RBBP6: variants seen among roughly 807,000 people sequenced by gnomAD.
The protein encoded by RBBP6 is RB binding protein 6, ubiquitin ligase.
RBBP6 carries 25 observed loss-of-function variants against 167.7 expected under a neutral mutation model. That is an observed-to-expected ratio of 0.15 (90% CI 0.11 to 0.21). RBBP6 has a LOEUF of 0.21. Ranked by LOEUF, RBBP6 falls within the 10% of genes least tolerant of loss-of-function variation. The pLI is 1.00. For missense variants in RBBP6, 1,868 were observed against 2,134.2 expected (o/e 0.88, Z 2.46); for synonymous variants, 789 against 735.8 (o/e 1.07, Z -1.17).
At chr16:24,558,226 A>G (rs1194021171) in intron 7 of RBBP6, among the ~76,000 whole-genome samples, 1 of 152,216 alleles carries the variant, frequency 6.6e-6, no homozygotes, top group Non-Finnish European at 1.5e-5. Flanking sequence ...ATGCTGAAAT[A>G]CAAATGCCCA....
chr16:24,556,205 C>A, intron 6 of RBBP6, 103 bp from the exon 7 acceptor site: 1 of 913,826 alleles, frequency 1.1e-6, no homozygotes, highest in Non-Finnish European at 1.7e-6. Flanking sequence ...ATATGTAAAG[C>A]ACTACAAGTA....
In RBBP6 at chr16:24,540,321, C is replaced by T. The variant is rs1898451465; in HGVS notation, c.-306C>T. The T allele has an allele frequency of 7.3e-6, 2 of 273,632 alleles. No homozygotes were observed. The highest frequency in any genetic ancestry group is 4.9e-5 in the Admixed American group (1 of 20,350). The allele number at this position is 273,632 out of a possible 1,614,324, so 17.0% of individuals were successfully genotyped here. A position where few individuals can be genotyped will look rare whatever the true frequency, so the allele number is the denominator to read the frequency against. On this transcript the variant is annotated 5_prime_UTR_variant, in exon 1 of 18. Coordinates refer to ENST00000319715, the MANE Select transcript of RBBP6 (RefSeq NM_006910.5). ...GCCAATCCCCCCGTCTCTGCCGGCC[C>T]CTTAGCATGAGCGAGGGGGACCCAG... is the stretch of plus-strand genomic sequence containing the variant.
rs760316712 is a variant in RBBP6 at position 24,569,249 on chromosome 16, C to T, written c.2559C>T (p.Pro853=). 1 of 1,612,970 alleles carries T rather than the reference C, an allele frequency of 6.2e-7. No individual in the cohort carries two copies. Residue 853 remains proline, a synonymous_variant, in exon 17 of 18, where the codon CCC becomes CCT. Transcript: ENST00000319715. ...KGYAAGAQPR[P]SANRENFSPE... ...ATGCTGCTGGAGCACAGCCTAGACC[C>T]TCAGCAAATAGAGAGAACTTTTCTC... is the stretch of plus-strand genomic sequence containing the variant.
chr16:24,562,552 A>G (rs1899090676), intron 10 of RBBP6, among the ~76,000 whole-genome samples: 1 of 152,162 alleles, frequency 6.6e-6, no homozygotes, highest in Admixed American at 6.5e-5. Context: ...GTAAAAACAC[A>G]GGTAAGTAGA....
chr16:24,549,056 T>A, intron 3 of RBBP6, 75 bp downstream of exon 3: 1 of 1,568,958 alleles, frequency 6.4e-7, no homozygotes, highest in Non-Finnish European at 8.7e-7. Context: ...AAGTAAATCA[T>A]TTTAGAACTT....
intron 1 of RBBP6, among the ~76,000 whole-genome samples, chr16:24,545,524 C>A (rs907696967): frequency 1.3e-5 from 2 of 152,074 alleles, no homozygotes; most frequent in African/African-American, 4.8e-5. Flanking sequence ...CTCTTCAAGC[C>A]GTTTCGTATC....
At chr16:24,542,424 ATCCATC>A (rs1898523389) in intron 1 of RBBP6, among the ~76,000 whole-genome samples, 1 of 151,334 alleles carries the variant, frequency 6.6e-6, no homozygotes, top group Non-Finnish European at 1.5e-5. Context: ...GCTAGGCGTT[ATCCATC>A]TTTTCGACCC....
In RBBP6 at chr16:24,568,970, A is replaced by G. The variant is rs754620873; in HGVS notation, c.2280A>G (p.Ser760=). 7 of 1,614,106 alleles carry G rather than the reference A, an allele frequency of 4.3e-6. No homozygotes were observed. The highest frequency in any genetic ancestry group is 5.9e-6 in the Non-Finnish European group (7 of 1,179,984). ...SHGYHRSRSR[S]PPYRRYHSRS... ...GATATCATCGATCTAGGTCAAGGTC[A>G]CCCCCTTACAGACGCTATCATTCAC... Residue 760 remains serine, a synonymous_variant, in exon 17 of 18, where the codon TCA becomes TCG. Coordinates refer to ENST00000319715, the MANE Select transcript of RBBP6 (RefSeq NM_006910.5).
chr16:24,566,373 G>C (rs368186185), intron 14 of RBBP6, among the ~76,000 whole-genome samples: 2 of 152,172 alleles, frequency 1.3e-5, no homozygotes, highest in African/African-American at 4.8e-5. Context: ...AATTATAGAA[G>C]TTAAAACTAG....
intron 1 of RBBP6, among the ~76,000 whole-genome samples, chr16:24,545,318 C>T (rs956590865): frequency 2.0e-5 from 3 of 152,112 alleles, no homozygotes; most frequent in Non-Finnish European, 4.4e-5. Context: ...GTGATCCGCC[C>T]CCCTCAGCCT....
intron 8 of RBBP6, 61 bp downstream of exon 8, chr16:24,559,738 G>T: frequency 1.5e-6 from 2 of 1,377,014 alleles, no homozygotes; most frequent in Non-Finnish European, 1.9e-6. Context: ...ACTTGGAATG[G>T]CTCTTCCCAA....
At position 24,570,515 on chromosome 16, in the gene RBBP6, G is replaced by C; in HGVS notation, c.3809+16G>C. On this transcript the variant is annotated intron_variant, in intron 17 of 17. Coordinates refer to ENST00000319715, the MANE Select transcript of RBBP6 (RefSeq NM_006910.5). ...ATTACACCAGGTAGCTGAGTGTAGG[G>C]GGTGGGTGTGGAACTTTGTTGGGAG... 1.3e-6 allele frequency: 2 copies of C among 1,540,522 alleles called. No individual in the cohort carries two copies. Among genetic ancestry groups the C allele is most frequent in the Non-Finnish European group, 1.7e-6 (2 of 1,153,232 alleles).
Position 24,571,371 on chromosome 16 carries a change from T to C in RBBP6, c.4305T>C (p.Asn1435=), listed in dbSNP as rs919839586. The C allele has an allele frequency of 1.9e-6, 3 of 1,614,032 alleles. No homozygotes were observed. The highest frequency in any genetic ancestry group is 2.5e-6 in the Non-Finnish European group (3 of 1,180,014). The change falls in exon 18 of 18, where the codon AAT becomes AAC. Residue 1435 remains asparagine (N), a synonymous_variant. Transcript: ENST00000319715. ...AAGAGAGTAATTTGGACCGTCTGAATGAACAAGGAAATTTTAAAAGTCTGT... is the reference window on the plus strand; with the variant it reads ...AAGAGAGTAATTTGGACCGTCTGAACGAACAAGGAAATTTTAAAAGTCTGT... The part of the protein sequence containing the change: ...PEKESNLDRL[N]EQGNFKSLSQ...
chr16:24,559,209 C>T (rs181400538), intron 7 of RBBP6, among the ~76,000 whole-genome samples: 1 of 152,236 alleles, frequency 6.6e-6, no homozygotes. Context: ...CTTTATGGCA[C>T]AGAACATTTC....
chr16:24,563,740 A>G, intron 13 of RBBP6, 76 bp downstream of exon 13: 1 of 1,403,144 alleles, frequency 7.1e-7, no homozygotes, highest in Non-Finnish European at 9.9e-7. Flanking sequence ...TAGGCAAACT[A>G]GATAATGGAA....
At chr16:24,563,341 G>A (rs3764975) in intron 11 of RBBP6, 46 bp downstream of exon 11, 3 of 1,555,520 alleles carry the variant, frequency 1.9e-6, no homozygotes, top group Non-Finnish European at 1.7e-6. Context: ...TTACAGCAGG[G>A]TTTTGTTTTT....
At chr16:24,559,376 A>G (rs767336830) in intron 7 of RBBP6, 129 bp from the exon 8 acceptor site, 271 of 612,082 alleles carry the variant, frequency 4.4e-4, no homozygotes, top group Non-Finnish European at 6.1e-4. Flanking sequence ...ATTTTAGAAG[A>G]TATGGTGCTT....
chr16:24,550,918 G>A (rs1299698491), intron 3 of RBBP6, among the ~76,000 whole-genome samples: 3 of 151,842 alleles, frequency 2.0e-5, no homozygotes, highest in Admixed American at 2.0e-4. Context: ...TTAGAGTCAC[G>A]TGGATTGTAC....
intron 16 of RBBP6, among the ~76,000 whole-genome samples, chr16:24,568,516 CT>C (rs558193102): frequency 6.6e-6 from 1 of 152,188 alleles, no homozygotes; most frequent in African/African-American, 2.4e-5. Flanking sequence ...CATTAATGCA[CT>C]TCACTCTAAT....
Sources: gnomAD v4.1 joint callset for allele counts (sites outside exome capture counted in the v4.1 genomes callset) on GRCh38, gnomAD v4.1.1 for gene constraint, MANE v1.5 for transcripts, NCBI Gene and HGNC (gene_info 2026-07-23, HGNC 2026-07-21) for gene names.